Variants in NTM observed in about 807,000 individuals in gnomAD.
NTM encodes neurotrimin, also known as IgLON family member 2.
A neutral mutation model predicts 42.1 loss-of-function variants in NTM; 13 were observed. The ratio of observed to expected loss-of-function variants is 0.31; its 90% CI spans 0.20 to 0.49. NTM has a LOEUF of 0.49. Among genes scored for constraint, NTM ranks in the 20% least tolerant of loss-of-function variants. The probability of loss-of-function intolerance (pLI) is 0.99; values close to 1 mark genes in which losing one functional copy is unlikely to be tolerated. For synonymous variants in NTM, 187 were observed against 179.2 expected, an observed-to-expected ratio of 1.04 and a Z score of -0.35; for missense variants, 373 against 452.8, an observed-to-expected ratio of 0.82 and a Z score of 1.60.
chr11:131,912,282 G>A (rs2055284068), intron 2 of NTM, among the ~76,000 whole-genome samples: 1 of 152,162 alleles, frequency 6.6e-6, no homozygotes, highest in Admixed American at 6.5e-5. Context: ...GGCATTTACT[G>A]TAGTGAACTG....
intron 4 of NTM, among the ~76,000 whole-genome samples, chr11:132,300,002 C>T (rs2094783798): frequency 6.6e-6 from 1 of 151,826 alleles, no homozygotes; most frequent in African/African-American, 2.4e-5. Flanking sequence ...CAGTTCTTAC[C>T]TGGGCTATGC....
intron 2 of NTM, among the ~76,000 whole-genome samples, chr11:132,075,968 G>A (rs2058310718): frequency 6.6e-6 from 1 of 151,842 alleles, no homozygotes; most frequent in South Asian, 2.1e-4. Flanking sequence ...AGCATTGGTG[G>A]GTATGTAATC....
intron 2 of NTM, among the ~76,000 whole-genome samples, chr11:132,041,198 G>GGTGT (rs778223867): frequency 2.2e-4 from 32 of 145,708 alleles, no homozygotes; most frequent in East Asian, 3.9e-4. Context: ...TTTGTGTGTG[G>GGTGT]GTGTGTGTGT....
At chr11:131,411,783 C>T (rs186523681) in intron 1 of NTM, among the ~76,000 whole-genome samples, 13 of 152,214 alleles carry the variant, frequency 8.5e-5, no homozygotes, top group African/African-American at 1.7e-4. Flanking sequence ...AAGAGCATTC[C>T]GGGCATATCA....
At chr11:131,597,500 G>A (rs1213744646) in intron 1 of NTM, among the ~76,000 whole-genome samples, 1 of 152,228 alleles carries the variant, frequency 6.6e-6, no homozygotes. Flanking sequence ...CGCATTCTGG[G>A]CCAAGGTCCT....
intron 1 of NTM, among the ~76,000 whole-genome samples, chr11:131,707,303 T>A (rs2076688180): frequency 1.3e-5 from 2 of 152,094 alleles, no homozygotes; most frequent in Admixed American, 1.3e-4. Flanking sequence ...TCAGGTTCAT[T>A]CATATTGTTA....
chr11:131,401,879 C>T (rs1945283945), intron 1 of NTM, among the ~76,000 whole-genome samples: 1 of 106,640 alleles, frequency 9.4e-6, no homozygotes, highest in Non-Finnish European at 1.9e-5. Flanking sequence ...TAAACTAGGA[C>T]CTTCACCAAG....
intron 1 of NTM, among the ~76,000 whole-genome samples, chr11:131,807,623 T>C (rs1211431081): frequency 6.6e-6 from 1 of 152,206 alleles, no homozygotes; most frequent in Non-Finnish European, 1.5e-5. Flanking sequence ...GCCCGTCTCA[T>C]AGAAAGATCT....
intron 2 of NTM, among the ~76,000 whole-genome samples, chr11:132,027,818 A>T (rs1565978215): frequency 6.6e-6 from 1 of 152,178 alleles, no homozygotes; most frequent in Non-Finnish European, 1.5e-5. Flanking sequence ...TATTGCTTCA[A>T]ACATTTTTTC....
intron 2 of NTM, among the ~76,000 whole-genome samples, chr11:131,994,497 A>G (rs965467755): frequency 3.3e-5 from 5 of 152,240 alleles, no homozygotes; most frequent in African/African-American, 7.2e-5. Context: ...ACATGCTGGG[A>G]CAAAAACAAG....
At chr11:131,773,468 C>A (rs1437324509) in intron 1 of NTM, among the ~76,000 whole-genome samples, 2 of 152,172 alleles carry the variant, frequency 1.3e-5, no homozygotes, top group Admixed American at 1.3e-4. Flanking sequence ...TATTTATGAA[C>A]TTTCCGTGGG....
intron 1 of NTM, among the ~76,000 whole-genome samples, chr11:131,851,440 A>C (rs1000033440): frequency 2.0e-5 from 3 of 152,050 alleles, no homozygotes; most frequent in African/African-American, 7.2e-5. Flanking sequence ...TAACATTTTC[A>C]TTCACCATGG....
Position 131,587,001 on chromosome 11 carries a change from G to A in NTM, c.82+216113G>A, listed in dbSNP as rs550879349. Reference sequence around the variant, plus strand: ...AAGTGATGCTCAATTGGGAGGCTACGGAGCAAGCAGAAGTACTCAGAAAAG... The same window carrying A: ...AAGTGATGCTCAATTGGGAGGCTACAGAGCAAGCAGAAGTACTCAGAAAAG... On this transcript the variant is annotated intron_variant, in intron 1 of 8. Coordinates refer to ENST00000683400, the MANE Select transcript of NTM (RefSeq NM_001352005.2). 3.7e-4 allele frequency among the ~76,000 whole-genome samples: 57 copies of A among 152,102 alleles called. 1 individual carries two copies. Among genetic ancestry groups the A allele is most frequent in the South Asian group, 2.5e-3 (12 of 4,802 alleles).
At position 132,335,617 on chromosome 11, in the gene NTM, G is replaced by A. The variant is rs2095866507; in HGVS notation, c.*471G>A. ...CACTTTGGTAGACTGTGCCACCACG[G>A]CGTGTGTTGTGAAACGTGAAATAAA... On this transcript the variant is annotated 3_prime_UTR_variant, in exon 9 of 9. Transcript: ENST00000683400. The A allele has an allele frequency of 6.5e-6, 1 of 152,838 alleles. No homozygotes were observed. Among genetic ancestry groups the A allele is most frequent in the African/African-American group, 2.4e-5 (1 of 41,460 alleles). 9.5% of individuals were successfully genotyped at this position (152,838 alleles called of 1,614,324 possible).
intron 1 of NTM, among the ~76,000 whole-genome samples, chr11:131,888,126 C>T (rs900129212): frequency 5.3e-5 from 8 of 152,054 alleles, no homozygotes; most frequent in African/African-American, 1.9e-4. Context: ...TATGGTGAAA[C>T]CCTGTCTCTA....
At chr11:132,123,780 A>G (rs2065217988) in intron 2 of NTM, among the ~76,000 whole-genome samples, 1 of 152,190 alleles carries the variant, frequency 6.6e-6, no homozygotes, top group African/African-American at 2.4e-5. Context: ...AGTCCATTAG[A>G]GAACCACGCA....
At chr11:132,071,159 A>G (rs369176217) in intron 2 of NTM, among the ~76,000 whole-genome samples, 3 of 126,416 alleles carry the variant, frequency 2.4e-5, no homozygotes, top group African/African-American at 8.5e-5. Context: ...TAACACGTCA[A>G]ACTGACCATC....
chr11:132,313,089 T>A (rs868546013), intron 6 of NTM, among the ~76,000 whole-genome samples: 69 of 152,264 alleles, frequency 4.5e-4, no homozygotes, highest in African/African-American at 1.6e-3. Flanking sequence ...AAGGTTACTG[T>A]AAGTTGCAGG....
intron 1 of NTM, among the ~76,000 whole-genome samples, chr11:131,401,403 C>T (rs1028114089): frequency 6.6e-5 from 10 of 152,036 alleles, no homozygotes; most frequent in African/African-American, 2.4e-4. Context: ...CTGATGGGCC[C>T]TCTACTGGAT....
Sources: gnomAD v4.1 joint callset for allele counts (sites outside exome capture counted in the v4.1 genomes callset) on GRCh38, gnomAD v4.1.1 for gene constraint, MANE v1.5 for transcripts, NCBI Gene and HGNC (gene_info 2026-07-23, HGNC 2026-07-21) for gene names.